Variants in PCDHGC3 observed in about 807,000 individuals in gnomAD.
PCDHGC3 encodes protocadherin gamma-C3.
Under a neutral mutation model 59.2 loss-of-function variants are expected in PCDHGC3, and 26 were observed. That is an observed-to-expected ratio of 0.44 (90% CI 0.32 to 0.61). The LOEUF is 0.61. Ranked by LOEUF, PCDHGC3 falls within the 20% of genes least tolerant of loss-of-function variation. The pLI is 0.05. For synonymous variants in PCDHGC3, 487 were observed against 519.7 expected (o/e 0.94, Z 0.86); for missense variants, 1,080 against 1,221.8 (o/e 0.88, Z 1.73).
Position 141,491,176 on chromosome 5 carries a change from G to A in PCDHGC3, c.2431-3631G>A. The A allele has an allele frequency of 1.2e-6, 2 of 1,614,210 alleles. No homozygotes were observed. The highest frequency in any genetic ancestry group is 8.5e-7 in the Non-Finnish European group (1 of 1,180,024). On this transcript the variant is annotated intron_variant, in intron 1 of 3. Transcript: ENST00000308177. The surrounding 1 kb of genome is among the most constrained non-coding windows in gnomAD (Gnocchi z 6.9). ...TGACTCTGACACCCAGCAGGTGGTG[G>A]TCCTGGTGAGGGACAATGGTGACCC...
chr5:141,487,312 TAA>T lies in PCDHGC3; in HGVS notation c.2431-7494_2431-7493del, dbSNP rs1464336630. ...TTGGCTCATTCGTGGCACTACTCTC[TAA>T]GTGTCTTCGTGGGGCAGCCTGTGGA... On this transcript the variant is annotated intron_variant, in intron 1 of 3. Transcript: ENST00000308177. The surrounding 1 kb of genome is among the most constrained non-coding windows in gnomAD (Gnocchi z 5.0). 1 of 1,614,158 alleles carries T rather than the reference TAA, an allele frequency of 6.2e-7. No homozygotes were observed. Among genetic ancestry groups the T allele is most frequent in the African/African-American group, 1.3e-5 (1 of 75,056 alleles).
In PCDHGC3 at chr5:141,502,866, C is replaced by CTTTTTTTTTT. The variant is rs549047197; in HGVS notation, c.2490-2522_2490-2513dup. On this transcript the variant is annotated intron_variant, in intron 2 of 3. Transcript: ENST00000308177. ...GAGCTGCCTAACCCTGACTCTCTGT[C>CTTTTTTTTTT]TTTTTTTTTTTTTTGACAGGGAGTC... 1.9e-3 allele frequency among the ~76,000 whole-genome samples: 240 copies of CTTTTTTTTTT among 127,966 alleles called. 11 individuals are homozygous for CTTTTTTTTTT. The highest frequency in any genetic ancestry group is 3.5e-3 in the Admixed American group (41 of 11,656). The allele number at this position is 127,966 out of a possible 152,430, so 84.0% of individuals were successfully genotyped here.
At chr5:141,505,306 T>C in intron 2 of PCDHGC3, 87 bp from the exon 3 acceptor site, 4 of 1,596,550 alleles carry the variant, frequency 2.5e-6, no homozygotes, top group Non-Finnish European at 3.4e-6. Context: ...GTTAGGGTAC[T>C]AGGTTTGGGA....
chr5:141,489,287 T>C lies in PCDHGC3; in HGVS notation c.2431-5520T>C. 1 of 1,573,410 alleles carries C rather than the reference T, an allele frequency of 6.4e-7. No individual in the cohort carries two copies. Among genetic ancestry groups the C allele is most frequent in the Non-Finnish European group, 8.6e-7 (1 of 1,159,858 alleles). ...CAGCTCGCTGGGAAATGGCAAGTGC[T>C]GTGCATGTTGTCCTTGTGCTGCTGG... On this transcript the variant is annotated intron_variant, in intron 1 of 3. Transcript: ENST00000308177. The surrounding 1 kb of genome is among the most constrained non-coding windows in gnomAD (Gnocchi z 4.5).
At chr5:141,502,710 C>T (rs2099815750) in intron 2 of PCDHGC3, among the ~76,000 whole-genome samples, 1 of 152,168 alleles carries the variant, frequency 6.6e-6, no homozygotes, top group South Asian at 2.1e-4. Context: ...GTTTTTACAT[C>T]AGTGATTACA....
chr5:141,498,672 C>T (rs1034911993), intron 2 of PCDHGC3, among the ~76,000 whole-genome samples: 3 of 152,218 alleles, frequency 2.0e-5, no homozygotes, highest in South Asian at 4.1e-4. Context: ...TGGCTCACGC[C>T]TGTAATCCCA....
chr5:141,507,632 G>A (rs551849213), intron 3 of PCDHGC3, among the ~76,000 whole-genome samples: 6 of 152,360 alleles, frequency 3.9e-5, no homozygotes, highest in Non-Finnish European at 7.3e-5. Flanking sequence ...GTGGCCTTGC[G>A]CCCTGAGGCC....
Position 141,489,322 on chromosome 5 carries a change from T to C in PCDHGC3, c.2431-5485T>C. The C allele has an allele frequency of 6.2e-7, 1 of 1,601,052 alleles. No individual in the cohort carries two copies. Among genetic ancestry groups the C allele is most frequent in the Non-Finnish European group, 8.5e-7 (1 of 1,172,658 alleles). ...GTCCTTGTGCTGCTGGGGCTGGGTGTCTGGGCAGCTTCGTTACTCAGTGGT... is the reference window on the plus strand; with the variant it reads ...GTCCTTGTGCTGCTGGGGCTGGGTGCCTGGGCAGCTTCGTTACTCAGTGGT... On this transcript the variant is annotated intron_variant, in intron 1 of 3. Coordinates refer to ENST00000308177, the MANE Select transcript of PCDHGC3 (RefSeq NM_002588.4). The surrounding 1 kb of genome is among the most constrained non-coding windows in gnomAD (Gnocchi z 4.5).
chr5:141,489,830 A>G lies in PCDHGC3; in HGVS notation c.2431-4977A>G, dbSNP rs760376311. On this transcript the variant is annotated intron_variant, in intron 1 of 3. Coordinates refer to ENST00000308177, the MANE Select transcript of PCDHGC3 (RefSeq NM_002588.4). The surrounding 1 kb of genome is among the most constrained non-coding windows in gnomAD (Gnocchi z 4.5). ...AAGCCATTCCCAGAGCTGGTGCTAG[A>G]GCAGCAGCTGGATCGTGAAGCCCAG... 1.9e-6 allele frequency: 3 copies of G among 1,614,200 alleles called. No individual in the cohort carries two copies. Among genetic ancestry groups the G allele is most frequent in the East Asian group, 2.2e-5 (1 of 44,878 alleles).
chr5:141,493,052 T>G lies in PCDHGC3; in HGVS notation c.2431-1755T>G, dbSNP rs1362566525. 6.6e-6 allele frequency among the ~76,000 whole-genome samples: 1 copy of G among 152,104 alleles called. No individual in the cohort carries two copies. The highest frequency in any genetic ancestry group is 2.4e-5 in the African/African-American group (1 of 41,416). Reference sequence around the variant, plus strand: ...CTTATGTGTGAGGAAACTACAATAGTAAAAAACACAAGTTTCTCCAACTCC... The same window carrying G: ...CTTATGTGTGAGGAAACTACAATAGGAAAAAACACAAGTTTCTCCAACTCC... On this transcript the variant is annotated intron_variant, in intron 1 of 3. Coordinates refer to ENST00000308177, the MANE Select transcript of PCDHGC3 (RefSeq NM_002588.4). This position sits in a 1 kb window ranked among gnomAD's most constrained non-coding sequence, Gnocchi z 4.3.
Position 141,477,827 on chromosome 5 carries a change from C to T in PCDHGC3, c.1711C>T (p.Arg571Trp), listed in dbSNP as rs2099419143. The change falls in exon 1 of 4, where the codon CGG becomes TGG. Residue 571 changes from arginine to tryptophan, a missense_variant. Physicochemically the swap from Arg to Trp is moderately radical, Grantham distance 101 (BLOSUM62 -3). Coordinates refer to ENST00000308177, the MANE Select transcript of PCDHGC3 (RefSeq NM_002588.4). The surrounding 1 kb of genome is among the most constrained non-coding windows in gnomAD (Gnocchi z 4.9). ...CAATGCCCCCCAGGTCCTATATCCT[C>T]GGCCAGGTGGGAGCTCGGTGGAGAT... ...NDNAPQVLYP[R>W]PGGSSVEMLP... The T allele has an allele frequency of 1.2e-6, 2 of 1,614,038 alleles. No individual in the cohort carries two copies. Among genetic ancestry groups the T allele is most frequent in the African/African-American group, 1.3e-5 (1 of 74,928 alleles).
chr5:141,511,823 G>A lies in PCDHGC3; in HGVS notation c.*650G>A, dbSNP rs1490513046. On this transcript the variant is annotated 3_prime_UTR_variant, in exon 4 of 4. Transcript: ENST00000308177. ...TTTTGCTACCAAGCCTCTTCCCAACGCCCTGGGGACCAGTCTTCTGTTTTG... is the reference window on the plus strand; with the variant it reads ...TTTTGCTACCAAGCCTCTTCCCAACACCCTGGGGACCAGTCTTCTGTTTTG... 4 of 156,728 alleles carry A rather than the reference G, an allele frequency of 2.6e-5. No homozygotes were observed. The highest frequency in any genetic ancestry group is 3.2e-3 in the Middle Eastern group (1 of 316). 9.7% of individuals were successfully genotyped at this position (156,728 alleles called of 1,614,324 possible). A position where few individuals can be genotyped will look rare whatever the true frequency, so the allele number is the denominator to read the frequency against.
intron 2 of PCDHGC3, among the ~76,000 whole-genome samples, chr5:141,504,253 G>A (rs1036263329): frequency 6.6e-6 from 1 of 152,100 alleles, no homozygotes; most frequent in Non-Finnish European, 1.5e-5. Context: ...TTCTTCTTAT[G>A]GTTTAGTATT....
At chr5:141,495,123 T>C (rs2099759225) in intron 2 of PCDHGC3, among the ~76,000 whole-genome samples, 1 of 152,162 alleles carries the variant, frequency 6.6e-6, no homozygotes, top group African/African-American at 2.4e-5. Flanking sequence ...TCCTATCCCC[T>C]GAGGGCACTG....
In PCDHGC3 at chr5:141,485,126, G is replaced by C; in HGVS notation, c.2430+6580G>C. ...TGCTGTGGCTGTTTGGGGCGGGTCG[G>C]CTTCATCCGCGTCTCAGGAGCAAGT... On this transcript the variant is annotated intron_variant, in intron 1 of 3. Transcript: ENST00000308177. The surrounding 1 kb of genome is among the most constrained non-coding windows in gnomAD (Gnocchi z 5.7). 1.4e-6 allele frequency: 2 copies of C among 1,432,378 alleles called. No homozygotes were observed. The highest frequency in any genetic ancestry group is 2.4e-5 in the South Asian group (2 of 81,724). 88.7% of individuals were successfully genotyped at this position (1,432,378 alleles called of 1,614,324 possible). A position where few individuals can be genotyped will look rare whatever the true frequency, so the allele number is the denominator to read the frequency against.
chr5:141,486,456 C>G lies in PCDHGC3; in HGVS notation c.2430+7910C>G. ...AGCTATGACATCATGGTCACTGCTT[C>G]TGATGCTGGGAACCCTCCTCTCAGT... is the stretch of plus-strand genomic sequence containing the variant. On this transcript the variant is annotated intron_variant, in intron 1 of 3. Transcript: ENST00000308177. The surrounding 1 kb of genome is among the most constrained non-coding windows in gnomAD (Gnocchi z 5.0). The G allele has an allele frequency of 1.9e-6, 3 of 1,614,052 alleles. No homozygotes were observed. In the South Asian group the frequency reaches 3.3e-5, roughly 18 times the overall value.
Position 141,486,799 on chromosome 5 carries a change from C to A in PCDHGC3, c.2431-8008C>A. The A allele has an allele frequency of 6.2e-7, 1 of 1,614,220 alleles. No individual in the cohort carries two copies. Among genetic ancestry groups the A allele is most frequent in the African/African-American group, 1.3e-5 (1 of 75,060 alleles). ...AGGTGCAGGCCCGGGATCGGGGCAA[C>A]CCACCCCTTAGCAGCACTGTAACAG... On this transcript the variant is annotated intron_variant, in intron 1 of 3. Coordinates refer to ENST00000308177, the MANE Select transcript of PCDHGC3 (RefSeq NM_002588.4). This position sits in a 1 kb window ranked among gnomAD's most constrained non-coding sequence, Gnocchi z 5.0.
rs1000330093 is a variant in PCDHGC3 at position 141,511,812 on chromosome 5, C to T, written c.*639C>T. 2.5e-5 allele frequency: 4 copies of T among 157,260 alleles called. No individual in the cohort carries two copies. Among genetic ancestry groups the T allele is most frequent in the African/African-American group, 9.6e-5 (4 of 41,492 alleles). The allele number at this position is 157,260 out of a possible 1,614,324, so 9.7% of individuals were successfully genotyped here. The stretch of plus-strand genomic sequence containing the variant: ...TAGGGAGGGCATTTTGCTACCAAGC[C>T]TCTTCCCAACGCCCTGGGGACCAGT... On this transcript the variant is annotated 3_prime_UTR_variant, in exon 4 of 4. Transcript: ENST00000308177.
intron 2 of PCDHGC3, among the ~76,000 whole-genome samples, chr5:141,497,023 G>A (rs1271608156): frequency 1.3e-5 from 2 of 151,912 alleles, no homozygotes; most frequent in Non-Finnish European, 2.9e-5. Flanking sequence ...ACCCCATCTC[G>A]ATTAAAAATA....
Sources: allele counts gnomAD v4.1 joint callset (sites outside exome capture counted in the v4.1 genomes callset), GRCh38; gene constraint gnomAD v4.1.1; non-coding constraint Gnocchi (gnomAD v3.1); transcripts MANE v1.5; gene names NCBI Gene and HGNC (gene_info 2026-07-23, HGNC 2026-07-21).